RANBP17: variants seen among roughly 807,000 people sequenced by gnomAD.
The protein encoded by RANBP17 is RAN binding protein 17.
Under a neutral mutation model 141.2 loss-of-function variants are expected in RANBP17, and 158 were observed. The observed-to-expected ratio is 1.12, with a 90% CI of 0.98 to 1.28. The LOEUF (loss-of-function observed/expected upper bound fraction) is 1.28. RANBP17 is among the 50% of genes most tolerant of loss of function. The pLI, the probability that RANBP17 is intolerant of heterozygous loss-of-function variation, is 0.00. For missense variants in RANBP17, 1,438 were observed against 1,290.7 expected, an observed-to-expected ratio of 1.11 and a Z score of -1.75; for synonymous variants, 430 against 450.0, an observed-to-expected ratio of 0.96 and a Z score of 0.56.
intron 14 of RANBP17, among the ~76,000 whole-genome samples, chr5:171,169,286 A>G (rs1286513966): frequency 6.6e-6 from 1 of 152,164 alleles, no homozygotes; most frequent in African/African-American, 2.4e-5. Context: ...CAAATCACAG[A>G]AGAGAAATCC....
At chr5:171,192,741 T>G (rs1761729901) in intron 18 of RANBP17, among the ~76,000 whole-genome samples, 1 of 152,142 alleles carries the variant, frequency 6.6e-6, no homozygotes, top group Non-Finnish European at 1.5e-5. Flanking sequence ...TGAGGCAAGT[T>G]TGGCTCTCTT....
chr5:170,916,615 A>C (rs1463787733), intron 9 of RANBP17, 31 bp downstream of exon 9: 14 of 1,398,028 alleles, frequency 1.0e-5, no homozygotes, highest in Non-Finnish European at 1.3e-5. Flanking sequence ...TACTTAGCAT[A>C]TAGAGATACA....
intron 14 of RANBP17, among the ~76,000 whole-genome samples, chr5:171,084,393 G>A (rs1785491048): frequency 7.4e-6 from 1 of 135,068 alleles, no homozygotes; most frequent in Non-Finnish European, 1.6e-5. Context: ...CCAAGTCTTT[G>A]CTATTTTGAA....
intron 14 of RANBP17, among the ~76,000 whole-genome samples, chr5:170,973,167 G>A (rs1777112503): frequency 6.6e-6 from 1 of 152,016 alleles, no homozygotes; most frequent in Non-Finnish European, 1.5e-5. Context: ...TTAGTTAAAG[G>A]GAACATGGAC....
intron 14 of RANBP17, among the ~76,000 whole-genome samples, chr5:171,064,544 T>G (rs1265098136): frequency 1.3e-5 from 2 of 152,208 alleles, no homozygotes; most frequent in Non-Finnish European, 2.9e-5. Context: ...TTGCCCAGGC[T>G]GTAGTACAGT....
At chr5:171,071,653 CA>C (rs34555837) in intron 14 of RANBP17, among the ~76,000 whole-genome samples, 1,242 of 69,548 alleles carry the variant, frequency 0.018, 1 homozygote, top group African/African-American at 0.064. Context: ...CAGCTTTATG[CA>C]AAAAAAAAAA....
At chr5:171,066,494 G>A (rs1258010419) in intron 14 of RANBP17, among the ~76,000 whole-genome samples, 2 of 152,050 alleles carry the variant, frequency 1.3e-5, no homozygotes, top group African/African-American at 2.4e-5. Context: ...TGCAAATGAC[G>A]GGATATCCTT....
At chr5:171,286,271 C>CT (rs977805228) in intron 25 of RANBP17, among the ~76,000 whole-genome samples, 3 of 152,060 alleles carry the variant, frequency 2.0e-5, no homozygotes, top group Admixed American at 1.3e-4. Context: ...TAAAAAGCTT[C>CT]TTTTTTTAAC....
intron 14 of RANBP17, among the ~76,000 whole-genome samples, chr5:171,156,668 C>A (rs1758923418): frequency 6.6e-6 from 1 of 152,102 alleles, no homozygotes; most frequent in African/African-American, 2.4e-5. Context: ...TTTTAAAAGG[C>A]ATGTAATTTA....
chr5:171,050,767 T>G (rs1046044689), intron 14 of RANBP17, among the ~76,000 whole-genome samples: 2 of 152,180 alleles, frequency 1.3e-5, no homozygotes, highest in African/African-American at 4.8e-5. Flanking sequence ...TCACTCCAGA[T>G]AGTCCAAGTT....
chr5:171,108,987 A>G (rs1044787441), intron 14 of RANBP17, among the ~76,000 whole-genome samples: 4 of 152,178 alleles, frequency 2.6e-5, no homozygotes, highest in Non-Finnish European at 4.4e-5. Context: ...AACCAAAACT[A>G]CTGAAGCTGA....
intron 14 of RANBP17, among the ~76,000 whole-genome samples, chr5:170,977,719 G>A (rs372665240): frequency 1.6e-4 from 24 of 152,150 alleles, no homozygotes; most frequent in African/African-American, 5.1e-4. Flanking sequence ...AAAACATTAC[G>A]CTAAGTCAAA....
At chr5:171,290,715 C>A (rs1211718666) in intron 25 of RANBP17, among the ~76,000 whole-genome samples, 1 of 152,182 alleles carries the variant, frequency 6.6e-6, no homozygotes, top group South Asian at 2.1e-4. Context: ...TTTACCTTAA[C>A]CCTCAACAAA....
At chr5:170,965,082 C>T (rs1348735197) in intron 13 of RANBP17, among the ~76,000 whole-genome samples, 4 of 152,172 alleles carry the variant, frequency 2.6e-5, no homozygotes, top group Admixed American at 6.5e-5. Context: ...TTTTTAATGA[C>T]TGCCATTCTA....
chr5:171,130,678 G>A (rs1756851213), intron 14 of RANBP17, among the ~76,000 whole-genome samples: 1 of 151,378 alleles, frequency 6.6e-6, no homozygotes, highest in African/African-American at 2.4e-5. Flanking sequence ...TCAGGTGATC[G>A]GCCCCACACC....
At chr5:170,970,892 G>A (rs3860763) in intron 14 of RANBP17, among the ~76,000 whole-genome samples, 103,695 of 151,948 alleles carry the variant, frequency 0.68, 35,568 homozygotes, top group South Asian at 0.89. Context: ...TGAATAGACT[G>A]TAATTTTGGT....
chr5:171,264,748 A>C (rs142106551), intron 24 of RANBP17, among the ~76,000 whole-genome samples: 100 of 152,350 alleles, frequency 6.6e-4, no homozygotes, highest in African/African-American at 2.2e-3. Context: ...CTTTCAGATC[A>C]GCAACTCAGA....
intron 11 of RANBP17, among the ~76,000 whole-genome samples, chr5:170,922,444 A>G (rs1163309870): frequency 6.6e-6 from 1 of 152,156 alleles, no homozygotes; most frequent in Non-Finnish European, 1.5e-5. Flanking sequence ...AAGAGGTGGA[A>G]TCTACAGAGG....
At chr5:171,077,296 C>T (rs894099994) in intron 14 of RANBP17, among the ~76,000 whole-genome samples, 1 of 151,768 alleles carries the variant, frequency 6.6e-6, no homozygotes, top group East Asian at 1.9e-4. Context: ...GCCGAGATCA[C>T]GCCACTGCAC....
Sources: allele counts gnomAD v4.1 joint callset (sites outside exome capture counted in the v4.1 genomes callset), GRCh38; gene constraint gnomAD v4.1.1; transcripts MANE v1.5; gene names NCBI Gene and HGNC (gene_info 2026-07-23, HGNC 2026-07-21).